Variants in PACRG observed in about 807,000 individuals in gnomAD.
PACRG encodes parkin coregulated gene protein.
PACRG carries 29 observed loss-of-function variants against 29.7 expected under a neutral mutation model. The ratio of observed to expected loss-of-function variants is 0.98; its 90% CI spans 0.73 to 1.33. The LOEUF is 1.33. Among genes scored for constraint, PACRG ranks in the 40% most tolerant of loss-of-function variants. PACRG has a pLI of 0.00. For synonymous variants in PACRG, 116 were observed against 118.7 expected (o/e 0.98, Z 0.15); for missense variants, 279 against 316.2 (o/e 0.88, Z 0.89).
At chr6:162,936,688 A>T (rs1293610587) in intron 2 of PACRG, among the ~76,000 whole-genome samples, 1 of 152,126 alleles carries the variant, frequency 6.6e-6, no homozygotes, top group Non-Finnish European at 1.5e-5. Context: ...TTTGTTAAGC[A>T]TGCATTCTAA....
At chr6:163,244,995 A>G (rs748965930) in intron 4 of PACRG, 4 of 454,706 alleles carry the variant, frequency 8.8e-6, no homozygotes, top group Middle Eastern at 3.3e-4. Flanking sequence ...GGGGAGGTCC[A>G]GACTTGCTCC....
At position 162,732,125 on chromosome 6, in the gene PACRG, C is replaced by T. The variant is rs114654872; in HGVS notation, c.156+3734C>T. On this transcript the variant is annotated intron_variant, in intron 1 of 4. Coordinates refer to ENST00000366888, the MANE Select transcript of PACRG (RefSeq NM_001080379.2). ...TTCATTCTCATCCAACTGGCCAGAA[C>T]CTAGTAATAAATACACCTACATTTT... Among the ~76,000 whole-genome samples the T allele has an allele frequency of 8.4e-3, 1,277 of 152,258 alleles. 19 individuals are homozygous for T. The highest frequency in any genetic ancestry group is 0.029 in the African/African-American group (1,210 of 41,550).
chr6:163,068,154 T>TCTTTGTCTTGTTTTCCTC (rs1811718165), intron 3 of PACRG, among the ~76,000 whole-genome samples: 1 of 152,218 alleles, frequency 6.6e-6, no homozygotes, highest in African/African-American at 2.4e-5. Context: ...CCTCTTTCCT[T>TCTTTGTCTTGTTTTCCTC]AGCTCTTTGT....
intron 2 of PACRG, among the ~76,000 whole-genome samples, chr6:162,976,868 CAAAT>C (rs1166108547): frequency 6.6e-6 from 1 of 151,644 alleles, no homozygotes; most frequent in Non-Finnish European, 1.5e-5. Flanking sequence ...TTAGAAGTAT[CAAAT>C]AAAAATGAAA....
intron 3 of PACRG, 22 bp from the exon 4 acceptor site, chr6:163,089,237 T>C: frequency 6.2e-7 from 1 of 1,604,382 alleles, no homozygotes; most frequent in Non-Finnish European, 8.5e-7. Context: ...ATTTTCTGCT[T>C]GGTCCTTCTT....
chr6:163,097,522 C>A (rs1166126491), intron 4 of PACRG, among the ~76,000 whole-genome samples: 1 of 152,194 alleles, frequency 6.6e-6, no homozygotes, highest in Admixed American at 6.5e-5. Flanking sequence ...TATGGGTGAC[C>A]ATGACCCAGG....
chr6:162,816,607 T>G (rs1268093321), intron 2 of PACRG, among the ~76,000 whole-genome samples: 7 of 152,114 alleles, frequency 4.6e-5, no homozygotes, highest in African/African-American at 1.7e-4. Context: ...CTGTCTCAGC[T>G]TCCCAAAGTG....
At chr6:163,028,398 C>A (rs1243318145) in intron 2 of PACRG, among the ~76,000 whole-genome samples, 1 of 152,084 alleles carries the variant, frequency 6.6e-6, no homozygotes, top group Non-Finnish European at 1.5e-5. Flanking sequence ...GATCATTTTG[C>A]ACCTCCATGG....
intron 2 of PACRG, among the ~76,000 whole-genome samples, chr6:162,999,203 C>G (rs1804357994): frequency 6.7e-6 from 1 of 150,306 alleles, no homozygotes; most frequent in African/African-American, 2.5e-5. Flanking sequence ...AAGAGGATAT[C>G]AAGAGATTGC....
chr6:163,082,256 A>C (rs1813152712), intron 3 of PACRG, among the ~76,000 whole-genome samples: 1 of 152,188 alleles, frequency 6.6e-6, no homozygotes, highest in African/African-American at 2.4e-5. Flanking sequence ...AAAGACAAGA[A>C]AATTGAAGAC....
chr6:163,126,775 G>A (rs1225387677), intron 4 of PACRG, among the ~76,000 whole-genome samples: 2 of 152,194 alleles, frequency 1.3e-5, no homozygotes, highest in African/African-American at 4.8e-5. Context: ...GATAGACAGG[G>A]AAAGAAAATA....
At chr6:162,944,448 A>T (rs1408447396) in intron 2 of PACRG, among the ~76,000 whole-genome samples, 1 of 152,228 alleles carries the variant, frequency 6.6e-6, no homozygotes, top group African/African-American at 2.4e-5. Context: ...AAGAAATACA[A>T]TAATTTTCTA....
intron 1 of PACRG, among the ~76,000 whole-genome samples, chr6:162,764,071 C>T (rs376575172): frequency 1.4e-3 from 215 of 152,158 alleles, no homozygotes; most frequent in African/African-American, 4.6e-3. Flanking sequence ...GTCAGGAGAT[C>T]GAGACCATCC....
intron 2 of PACRG, among the ~76,000 whole-genome samples, chr6:162,846,989 C>T (rs1790446637): frequency 6.9e-6 from 1 of 145,674 alleles, no homozygotes; most frequent in African/African-American, 2.5e-5. Context: ...CCCCACACTG[C>T]CCACTGTGCT....
At chr6:163,175,462 C>T (rs936322639) in intron 4 of PACRG, among the ~76,000 whole-genome samples, 1 of 144,600 alleles carries the variant, frequency 6.9e-6, no homozygotes, top group Non-Finnish European at 1.5e-5. Context: ...GGACATCACT[C>T]CCCCCCAGCC....
chr6:163,240,187 C>T (rs770415274), intron 4 of PACRG, among the ~76,000 whole-genome samples: 4 of 151,948 alleles, frequency 2.6e-5, no homozygotes. Context: ...GTGCCTCCGC[C>T]GGGCCTGTGG....
At chr6:163,100,447 C>T (rs1020341695) in intron 4 of PACRG, among the ~76,000 whole-genome samples, 1 of 152,138 alleles carries the variant, frequency 6.6e-6, no homozygotes, top group African/African-American at 2.4e-5. Flanking sequence ...TCAGGCTGCT[C>T]GAGAGGGTTC....
At chr6:162,965,159 G>T (rs935983224) in intron 2 of PACRG, among the ~76,000 whole-genome samples, 1 of 152,150 alleles carries the variant, frequency 6.6e-6, no homozygotes, top group Admixed American at 6.5e-5. Flanking sequence ...AGCCAAGAAG[G>T]ATTGTTAAAG....
At chr6:163,132,147 AT>A (rs1177886977) in intron 4 of PACRG, among the ~76,000 whole-genome samples, 1 of 152,228 alleles carries the variant, frequency 6.6e-6, no homozygotes, top group African/African-American at 2.4e-5. Flanking sequence ...GGATCTGAAA[AT>A]AAGATTTATT....
Sources: gnomAD v4.1 joint callset for allele counts (sites outside exome capture counted in the v4.1 genomes callset) on GRCh38, gnomAD v4.1.1 for gene constraint, MANE v1.5 for transcripts, NCBI Gene and HGNC (gene_info 2026-07-23, HGNC 2026-07-21) for gene names.